The following SCFD2 variants were observed in gnomAD, a reference collection of about 807,000 sequenced individuals.
SCFD2 encodes the protein sec1 family domain-containing protein 2.
SCFD2 carries 54 observed loss-of-function variants against 58.9 expected under a neutral mutation model. The observed-to-expected ratio is 0.92, with a 90% CI of 0.74 to 1.15. The LOEUF (loss-of-function observed/expected upper bound fraction) is 1.15, where lower values mean the gene tolerates loss of function less well. Ranked by LOEUF, SCFD2 falls within the 50% of genes most tolerant of loss-of-function variation. The pLI, the probability that SCFD2 is intolerant of heterozygous loss-of-function variation, is 0.00. For missense variants in SCFD2, 805 were observed against 836.6 expected (o/e 0.96, Z 0.47); for synonymous variants, 321 against 335.9 (o/e 0.96, Z 0.49).
chr4:52,940,381 T>A (rs1028645972), intron 5 of SCFD2, among the ~76,000 whole-genome samples: 1 of 152,130 alleles, frequency 6.6e-6, no homozygotes, highest in Admixed American at 6.5e-5. Flanking sequence ...AATAAATGGC[T>A]CTCCTGAGTG....
intron 4 of SCFD2, among the ~76,000 whole-genome samples, chr4:53,185,281 G>A (rs1188643509): frequency 6.6e-6 from 1 of 151,982 alleles, no homozygotes; most frequent in Non-Finnish European, 1.5e-5. Flanking sequence ...AATTTTAATC[G>A]AAAATAATAC....
chr4:52,969,348 A>C (rs1001266416), intron 5 of SCFD2, among the ~76,000 whole-genome samples: 1 of 152,242 alleles, frequency 6.6e-6, no homozygotes, highest in Non-Finnish European at 1.5e-5. Context: ...ATGTTTTTAA[A>C]TCATACATAA....
chr4:53,120,055 T>C lies in SCFD2; in HGVS notation c.1561+25278A>G, dbSNP rs183492581. ...CACCAAATCCAACTCAATCACACAC[T>C]AATGGGTGAAAATGTATCCAATATT... On this transcript the variant is annotated intron_variant, in intron 5 of 8. Transcript: ENST00000401642. Among the ~76,000 whole-genome samples, 777 of 152,272 alleles carry C rather than the reference T, an allele frequency of 5.1e-3. 1 individual carries two copies. Among genetic ancestry groups the C allele is most frequent in the South Asian group, 8.7e-3 (42 of 4,826 alleles).
At chr4:53,325,986 G>A (rs1351596420) in intron 2 of SCFD2, among the ~76,000 whole-genome samples, 3 of 152,084 alleles carry the variant, frequency 2.0e-5, no homozygotes, top group East Asian at 1.9e-4. Context: ...CTGAGTTTAT[G>A]CAAAATATGC....
intron 7 of SCFD2, among the ~76,000 whole-genome samples, chr4:52,896,413 T>C (rs1418582055): frequency 6.6e-6 from 1 of 152,224 alleles, no homozygotes; most frequent in Non-Finnish European, 1.5e-5. Context: ...ATTTATTAAA[T>C]AGGGATCCTT....
At chr4:53,256,043 G>A (rs1217886159) in intron 4 of SCFD2, among the ~76,000 whole-genome samples, 10 of 150,194 alleles carry the variant, frequency 6.7e-5, no homozygotes, top group Non-Finnish European at 1.5e-4. Context: ...CCTTCCGGAC[G>A]GGGCGGCTGG....
At chr4:53,280,647 A>G (rs1337255465) in intron 3 of SCFD2, among the ~76,000 whole-genome samples, 1 of 152,236 alleles carries the variant, frequency 6.6e-6, no homozygotes, top group African/African-American at 2.4e-5. Context: ...TTCTGCAAAG[A>G]TGAATGAAAA....
At chr4:53,015,787 T>C (rs1238468469) in intron 5 of SCFD2, among the ~76,000 whole-genome samples, 7 of 152,152 alleles carry the variant, frequency 4.6e-5, no homozygotes, top group Admixed American at 4.6e-4. Context: ...TCTTCTGTAG[T>C]AACATGTTTG....
intron 5 of SCFD2, among the ~76,000 whole-genome samples, chr4:52,999,119 G>A (rs991829666): frequency 6.6e-6 from 1 of 152,184 alleles, no homozygotes; most frequent in Non-Finnish European, 1.5e-5. Flanking sequence ...CATAAGATGA[G>A]CCTTCAAGAG....
At chr4:52,913,666 C>T (rs555643376) in intron 6 of SCFD2, among the ~76,000 whole-genome samples, 3 of 152,308 alleles carry the variant, frequency 2.0e-5, no homozygotes, top group Admixed American at 1.3e-4. Flanking sequence ...CACCCTGCAC[C>T]GCCTGGTGCC....
At chr4:52,993,788 T>C (rs1398296129) in intron 5 of SCFD2, among the ~76,000 whole-genome samples, 1 of 152,226 alleles carries the variant, frequency 6.6e-6, no homozygotes, top group African/African-American at 2.4e-5. Flanking sequence ...CACAGGTACT[T>C]TTCTTTTGAC....
At chr4:53,214,261 C>T (rs1728729765) in intron 4 of SCFD2, among the ~76,000 whole-genome samples, 1 of 152,084 alleles carries the variant, frequency 6.6e-6, no homozygotes, top group Admixed American at 6.5e-5. Context: ...AACTAGTTTA[C>T]AATCCCACCA....
chr4:53,335,347 GGTCT>G (rs1442898742), intron 2 of SCFD2, among the ~76,000 whole-genome samples: 5 of 152,060 alleles, frequency 3.3e-5, no homozygotes, highest in Non-Finnish European at 5.9e-5. Context: ...CAAAATTACT[GGTCT>G]GTATTCTTCA....
intron 4 of SCFD2, among the ~76,000 whole-genome samples, chr4:53,183,276 G>T (rs1422955248): frequency 3.3e-5 from 5 of 152,146 alleles, no homozygotes; most frequent in Admixed American, 1.3e-4. Flanking sequence ...CAATAGACCG[G>T]ATTATGAAAA....
chr4:53,254,602 G>A (rs1461250070), intron 4 of SCFD2, among the ~76,000 whole-genome samples: 3 of 151,126 alleles, frequency 2.0e-5, no homozygotes, highest in Admixed American at 2.0e-4. Flanking sequence ...GCCTCCCAAA[G>A]TGCTGTGATT....
intron 2 of SCFD2, among the ~76,000 whole-genome samples, chr4:53,317,131 T>C (rs1732890568): frequency 2.0e-5 from 3 of 151,540 alleles, no homozygotes; most frequent in South Asian, 4.2e-4. Flanking sequence ...AAATTCTGAA[T>C]GTCTAGATAT....
At chr4:52,931,881 G>T (rs1386399266) in intron 5 of SCFD2, among the ~76,000 whole-genome samples, 1 of 152,046 alleles carries the variant, frequency 6.6e-6, no homozygotes, top group East Asian at 1.9e-4. Context: ...TATCCTCCAC[G>T]CTGTCTCCCC....
At chr4:53,238,511 C>A (rs1282927601) in intron 4 of SCFD2, among the ~76,000 whole-genome samples, 2 of 151,712 alleles carry the variant, frequency 1.3e-5, no homozygotes, top group African/African-American at 2.4e-5. Context: ...GACCCCCCCA[C>A]CTCCCTCCCG....
chr4:53,034,018 A>T (rs1722692325), intron 5 of SCFD2, among the ~76,000 whole-genome samples: 1 of 152,134 alleles, frequency 6.6e-6, no homozygotes, highest in Non-Finnish European at 1.5e-5. Flanking sequence ...AAAAAAAGAA[A>T]ATTTCAGGCC....
Sources: gnomAD v4.1 joint callset for allele counts (sites outside exome capture counted in the v4.1 genomes callset) on GRCh38, gnomAD v4.1.1 for gene constraint, MANE v1.5 for transcripts, NCBI Gene and HGNC (gene_info 2026-07-23, HGNC 2026-07-21) for gene names.